The following VWC2L variants were observed in gnomAD, a reference collection of about 807,000 sequenced individuals.
VWC2L encodes the protein von Willebrand factor C domain containing 2 like.
VWC2L carries 10 observed loss-of-function variants against 21.6 expected under a neutral mutation model. The ratio of observed to expected loss-of-function variants is 0.46; its 90% CI spans 0.29 to 0.78. The LOEUF (loss-of-function observed/expected upper bound fraction) is 0.78. VWC2L is among the 30% of genes least tolerant of loss of function. The pLI, the probability that VWC2L is intolerant of heterozygous loss-of-function variation, is 0.10. For missense variants in VWC2L, 209 were observed against 277.1 expected, an observed-to-expected ratio of 0.75 and a Z score of 1.74; for synonymous variants, 96 against 94.3, an observed-to-expected ratio of 1.02 and a Z score of -0.10.
intron 3 of VWC2L, among the ~76,000 whole-genome samples, chr2:214,526,417 T>C (rs1234433965): frequency 6.6e-6 from 1 of 152,200 alleles, no homozygotes; most frequent in African/African-American, 2.4e-5. Context: ...ATAATACTTT[T>C]TGGCATTTTT....
chr2:214,419,085 A>T (rs1028518736), intron 2 of VWC2L, among the ~76,000 whole-genome samples: 2 of 152,202 alleles, frequency 1.3e-5, no homozygotes, highest in Non-Finnish European at 2.9e-5. Context: ...GATGTCATTT[A>T]TAAAGGTTGT....
chr2:214,464,513 C>T (rs576817527), intron 3 of VWC2L, among the ~76,000 whole-genome samples: 1 of 151,512 alleles, frequency 6.6e-6, no homozygotes, highest in Non-Finnish European at 1.5e-5. Context: ...CCATGCTGAG[C>T]TCCCTGGAGC....
intron 3 of VWC2L, among the ~76,000 whole-genome samples, chr2:214,557,952 G>A (rs1048563986): frequency 6.6e-6 from 1 of 152,098 alleles, no homozygotes; most frequent in African/African-American, 2.4e-5. Flanking sequence ...TACAGCTACT[G>A]AACTCTTTTT....
At chr2:214,423,141 C>G (rs1702468911) in intron 2 of VWC2L, among the ~76,000 whole-genome samples, 1 of 152,054 alleles carries the variant, frequency 6.6e-6, no homozygotes, top group Non-Finnish European at 1.5e-5. Context: ...TTACCTTTCA[C>G]TACCATTGTT....
intron 3 of VWC2L, among the ~76,000 whole-genome samples, chr2:214,542,445 T>C (rs552497091): frequency 3.3e-5 from 5 of 152,234 alleles, no homozygotes; most frequent in African/African-American, 1.2e-4. Context: ...AACACGGAGG[T>C]GGGAGCAAAG....
At chr2:214,556,068 G>A (rs1235053728) in intron 3 of VWC2L, among the ~76,000 whole-genome samples, 17 of 152,048 alleles carry the variant, frequency 1.1e-4, no homozygotes. Flanking sequence ...CACCAATGCA[G>A]AGAGTTCCTC....
At chr2:214,562,067 T>C (rs1460443469) in intron 3 of VWC2L, among the ~76,000 whole-genome samples, 1 of 152,038 alleles carries the variant, frequency 6.6e-6, no homozygotes, top group Admixed American at 6.6e-5. Context: ...ACATATGCCA[T>C]AATGATTTGC....
intron 2 of VWC2L, among the ~76,000 whole-genome samples, chr2:214,433,788 G>A (rs1702637628): frequency 6.6e-6 from 1 of 152,102 alleles, no homozygotes; most frequent in South Asian, 2.1e-4. Context: ...TTGAGCAAGA[G>A]GACAACAATA....
chr2:214,543,900 T>G (rs2105922039), intron 3 of VWC2L, among the ~76,000 whole-genome samples: 1 of 152,346 alleles, frequency 6.6e-6, no homozygotes, highest in Admixed American at 6.5e-5. Context: ...GCCTTTATGA[T>G]GTACCCAGAA....
intron 3 of VWC2L, among the ~76,000 whole-genome samples, chr2:214,523,700 G>C (rs1253999731): frequency 6.6e-6 from 1 of 152,146 alleles, no homozygotes; most frequent in African/African-American, 2.4e-5. Context: ...TTAACTGGTT[G>C]TGGTGGTGCA....
At chr2:214,558,122 A>G (rs1689902958) in intron 3 of VWC2L, among the ~76,000 whole-genome samples, 1 of 152,224 alleles carries the variant, frequency 6.6e-6, no homozygotes, top group Non-Finnish European at 1.5e-5. Context: ...CACTGCTGTC[A>G]CAGTCCTGCC....
Position 214,575,868 on chromosome 2 carries a change from T to G in VWC2L, c.*48T>G. On this transcript the variant is annotated 3_prime_UTR_variant, in exon 4 of 4. Transcript: ENST00000312504. ...AGTTCTTAGGAAAGGATGCTATGGC[T>G]TCAACACTGCACATGTTTAACACAA... 1 of 1,577,174 alleles carries G rather than the reference T, an allele frequency of 6.3e-7. No individual in the cohort carries two copies. The highest frequency in any genetic ancestry group is 8.7e-7 in the Non-Finnish European group (1 of 1,154,342).
At chr2:214,557,027 A>T (rs950362590) in intron 3 of VWC2L, among the ~76,000 whole-genome samples, 1 of 152,200 alleles carries the variant, frequency 6.6e-6, no homozygotes, top group African/African-American at 2.4e-5. Flanking sequence ...AGATAAGGAA[A>T]CAGTGCGGGG....
Position 214,575,721 on chromosome 2 carries a change from G to A in VWC2L, c.570G>A (p.Val190=), listed in dbSNP as rs758357273. 8 of 1,613,522 alleles carry A rather than the reference G, an allele frequency of 5.0e-6. No individual in the cohort carries two copies. The highest frequency in any genetic ancestry group is 2.2e-5 in the East Asian group (1 of 44,870). ...GTTIIPAGIE[V]KVDECNICHC... ...CGATAATTCCAGCTGGCATTGAAGTGAAAGTGGACGAATGTAACATCTGTC... is the reference window on the plus strand; with the variant it reads ...CGATAATTCCAGCTGGCATTGAAGTAAAAGTGGACGAATGTAACATCTGTC... Residue 190 remains valine, a synonymous_variant, in exon 4 of 4, where the codon GTG becomes GTA. Transcript: ENST00000312504.
intron 3 of VWC2L, among the ~76,000 whole-genome samples, chr2:214,501,614 C>T (rs374040829): frequency 2.7e-5 from 4 of 148,412 alleles, no homozygotes; most frequent in African/African-American, 5.0e-5. Context: ...CCCAGCTACT[C>T]GGGAGGCTGA....
At chr2:214,479,395 G>A (rs889228917) in intron 3 of VWC2L, among the ~76,000 whole-genome samples, 2 of 151,724 alleles carry the variant, frequency 1.3e-5, no homozygotes, top group Non-Finnish European at 2.9e-5. Context: ...TTGGACTTTT[G>A]GACTATAAAA....
At chr2:214,568,964 C>T (rs13411053) in intron 3 of VWC2L, among the ~76,000 whole-genome samples, 2,059 of 152,212 alleles carry the variant, frequency 0.014, 58 homozygotes, top group African/African-American at 0.047. Context: ...TTTTCTTCTC[C>T]CTCCCCCAGA....
At position 214,578,769 on chromosome 2, in the gene VWC2L, T is replaced by G. The variant is rs533706768; in HGVS notation, c.*2949T>G. On this transcript the variant is annotated 3_prime_UTR_variant, in exon 4 of 4. Transcript: ENST00000312504. ...ACAACAGCTATGTTAAAATAAGGGA[T>G]CAACATCTTGTTTGTCAGCTGATGC... 8 of 152,082 alleles carry G rather than the reference T, an allele frequency of 5.3e-5. No individual in the cohort carries two copies. The highest frequency in any genetic ancestry group is 2.6e-4 in the Admixed American group (4 of 15,270). The allele number at this position is 152,082 out of a possible 1,614,324, so 9.4% of individuals were successfully genotyped here.
intron 3 of VWC2L, among the ~76,000 whole-genome samples, chr2:214,512,254 G>C (rs1689067794): frequency 6.6e-6 from 1 of 152,038 alleles, no homozygotes; most frequent in Non-Finnish European, 1.5e-5. Flanking sequence ...TGTACCTTCA[G>C]GATACCTATG....
Sources: allele counts gnomAD v4.1 joint callset (sites outside exome capture counted in the v4.1 genomes callset), GRCh38; gene constraint gnomAD v4.1.1; transcripts MANE v1.5; gene names NCBI Gene and HGNC (gene_info 2026-07-23, HGNC 2026-07-21).